Variants in UBE2L3 observed in about 807,000 individuals in gnomAD.
UBE2L3 encodes the protein ubiquitin conjugating enzyme E2 L3.
UBE2L3 carries 1 observed loss-of-function variant against 17.8 expected under a neutral mutation model. The observed-to-expected ratio is 0.06, with a 90% CI of 0.02 to 0.27. The LOEUF is 0.27. UBE2L3 is among the 10% of genes least tolerant of loss of function. UBE2L3 has a pLI of 1.00. For synonymous variants in UBE2L3, 44 were observed against 68.5 expected (o/e 0.64, Z 1.76); for missense variants, 40 against 192.6 (o/e 0.21, Z 4.69).
intron 1 of UBE2L3, among the ~76,000 whole-genome samples, chr22:21,576,546 C>A (rs1009594014): frequency 3.9e-5 from 6 of 152,066 alleles, no homozygotes; most frequent in African/African-American, 1.4e-4. Flanking sequence ...GATCCTCCTG[C>A]CTCGGTCTCC....
rs1363962298 is a variant in UBE2L3, at chr22:21,568,372, C to T, written c.27+601C>T. The T allele has an allele frequency of 6.1e-6, 6 of 985,480 alleles. No individual in the cohort carries two copies. The East Asian group carries it at 3.4e-4, about 56-fold the overall frequency. 61.0% of individuals were successfully genotyped at this position (985,480 alleles called of 1,614,324 possible). A position where few individuals can be genotyped will look rare whatever the true frequency, so the allele number is the denominator to read the frequency against. On this transcript the variant is annotated intron_variant, in intron 1 of 3. Transcript: ENST00000342192. The stretch of plus-strand genomic sequence containing the variant: ...GTCGCCTTGTGACTGCAGAGTCACA[C>T]AGCGGGTAAGTTCCAACTCCAGGAA...
At chr22:21,567,842 G>T (rs1202575164) in intron 1 of UBE2L3, 71 bp downstream of exon 1, 3 of 1,553,496 alleles carry the variant, frequency 1.9e-6, no homozygotes, top group Non-Finnish European at 1.7e-6. Context: ...GAGGCAGGCG[G>T]CGGCTTCTCA....
intron 3 of UBE2L3, among the ~76,000 whole-genome samples, chr22:21,615,286 T>G (rs960890795): frequency 4.6e-5 from 7 of 152,132 alleles, no homozygotes; most frequent in African/African-American, 1.7e-4. Context: ...CCGGGCGCGG[T>G]GGCTCACGCC....
At chr22:21,555,286 C>T (rs1480953365) in intron 1 of UBE2L3, 2 of 152,036 alleles carry the variant, frequency 1.3e-5, no homozygotes, top group African/African-American at 4.9e-5. Context: ...GAGCAGGAAA[C>T]CACCAGCTTG....
At chr22:21,557,557 C>T (rs1256233324) in intron 1 of UBE2L3, among the ~76,000 whole-genome samples, 1 of 151,966 alleles carries the variant, frequency 6.6e-6, no homozygotes, top group Non-Finnish European at 1.5e-5. Flanking sequence ...GAGTCTCGCT[C>T]TGTCACCCAG....
chr22:21,566,075 C>A (rs1385703254), upstream of UBE2L3, among the ~76,000 whole-genome samples: 1 of 150,638 alleles, frequency 6.6e-6, no homozygotes, highest in Non-Finnish European at 1.5e-5. Flanking sequence ...CAGGTTCAAG[C>A]GATTCTCCTG....
chr22:21,567,875 G>T (rs1926721263), intron 1 of UBE2L3, 104 bp downstream of exon 1: 2 of 1,542,770 alleles, frequency 1.3e-6, no homozygotes, highest in South Asian at 1.2e-5. Flanking sequence ...CTGGCTTCCT[G>T]CCCTACACGG....
At chr22:21,585,595 G>C in intron 1 of UBE2L3, among the ~76,000 whole-genome samples, 1 of 152,202 alleles carries the variant, frequency 6.6e-6, no homozygotes, top group East Asian at 1.9e-4. Context: ...AGTGGCTGTT[G>C]AGAGAAAGGA....
chr22:21,602,994 T>C (rs1568983778), intron 2 of UBE2L3, among the ~76,000 whole-genome samples: 1 of 152,210 alleles, frequency 6.6e-6, no homozygotes, highest in East Asian at 1.9e-4. Flanking sequence ...CTTCCCAGGG[T>C]TGGTGTTAGG....
At chr22:21,572,766 T>C (rs1278459255) in intron 1 of UBE2L3, among the ~76,000 whole-genome samples, 1 of 152,128 alleles carries the variant, frequency 6.6e-6, no homozygotes, top group Non-Finnish European at 1.5e-5. Context: ...CATAGATCTG[T>C]AGGCATCTGA....
chr22:21,585,753 A>G (rs1393770571), intron 1 of UBE2L3, among the ~76,000 whole-genome samples: 1 of 152,088 alleles, frequency 6.6e-6, no homozygotes, highest in Non-Finnish European at 1.5e-5. Context: ...GGGGAAAGAC[A>G]TAGAGGGGGG....
At chr22:21,603,294 G>A (rs538210539) in intron 2 of UBE2L3, among the ~76,000 whole-genome samples, 5 of 152,076 alleles carry the variant, frequency 3.3e-5, no homozygotes, top group African/African-American at 7.2e-5. Context: ...TTGGAAGGCC[G>A]AGGCAGGCGG....
At chr22:21,603,828 C>G (rs1483210260) in intron 2 of UBE2L3, among the ~76,000 whole-genome samples, 1 of 146,038 alleles carries the variant, frequency 6.8e-6, no homozygotes, top group Admixed American at 6.7e-5. Flanking sequence ...CAGAGCCAGA[C>G]TCTGTCTCAA....
chr22:21,598,211 T>TGTGTGTGTGTGTGTGTGTGTGTGTG lies in UBE2L3; in HGVS notation c.123+5255_123+5256insGTGTGTGTGTGTGTGTGTGTGTGTG, dbSNP rs1555885650. ...GTTTCATTAATGTGTGTGTGTGTGT[T>TGTGTGTGTGTGTGTGTGTGTGTGTG]TTTCATTTATCTCCTCTGTGCTTAC... On this transcript the variant is annotated intron_variant, in intron 2 of 3. Coordinates refer to ENST00000342192, the MANE Select transcript of UBE2L3 (RefSeq NM_003347.4). Among the ~76,000 whole-genome samples the TGTGTGTGTGTGTGTGTGTGTGTGTG allele has an allele frequency of 2.3e-4, 23 of 98,178 alleles. No homozygotes were observed. In the East Asian group the frequency reaches 0.011, roughly 48 times the overall value. The allele number at this position is 98,178 out of a possible 152,430, so 64.4% of individuals were successfully genotyped here.
chr22:21,586,832 T>C (rs1387903708), intron 1 of UBE2L3, among the ~76,000 whole-genome samples: 2 of 147,920 alleles, frequency 1.4e-5, no homozygotes, highest in African/African-American at 5.0e-5. Flanking sequence ...CCTCCCAGAG[T>C]GTTGAAGCGT....
At position 21,578,629 on chromosome 22, in the gene UBE2L3, C is replaced by T. The variant is rs181107313; in HGVS notation, c.27+10858C>T. On this transcript the variant is annotated intron_variant, in intron 1 of 3. Coordinates refer to ENST00000342192, the MANE Select transcript of UBE2L3 (RefSeq NM_003347.4). ...CATGTACAGATGGACACGGAAACAC[C>T]TTCCAGGAATGAGGCCCGGCAGCCA... Among the ~76,000 whole-genome samples the T allele has an allele frequency of 5.6e-3, 848 of 152,234 alleles. 2 individuals are homozygous for T. The highest frequency in any genetic ancestry group is 8.6e-3 in the Non-Finnish European group (588 of 68,010).
At chr22:21,574,380 T>C (rs1927148227) in intron 1 of UBE2L3, among the ~76,000 whole-genome samples, 1 of 152,172 alleles carries the variant, frequency 6.6e-6, no homozygotes, top group South Asian at 2.1e-4. Flanking sequence ...AGTTAATATA[T>C]ACCAACTGCT....
intron 1 of UBE2L3, among the ~76,000 whole-genome samples, chr22:21,585,785 A>G (rs1927903155): frequency 1.3e-5 from 2 of 152,184 alleles, no homozygotes. Context: ...CTGACTTGGT[A>G]GGATTCTGCA....
chr22:21,573,947 CTA>C lies in UBE2L3; in HGVS notation c.27+6179_27+6180del, dbSNP rs1411549186. Among the ~76,000 whole-genome samples the C allele has an allele frequency of 2.0e-5, 3 of 152,178 alleles. No individual in the cohort carries two copies. In the East Asian group the frequency reaches 5.8e-4, roughly 29 times the overall value. ...CAGCCTTGGAGGGTGAGCTACCTCT[CTA>C]TAGAGGGGTCACTGAGGGCAGTGCT... On this transcript the variant is annotated intron_variant, in intron 1 of 3. Coordinates refer to ENST00000342192, the MANE Select transcript of UBE2L3 (RefSeq NM_003347.4).
Sources: gnomAD v4.1 joint callset for allele counts (sites outside exome capture counted in the v4.1 genomes callset) on GRCh38, gnomAD v4.1.1 for gene constraint, MANE v1.5 for transcripts, NCBI Gene and HGNC (gene_info 2026-07-23, HGNC 2026-07-21) for gene names.